The following CTNNA2 variants were observed in gnomAD, a reference collection of about 807,000 sequenced individuals.
CTNNA2 encodes the protein catenin alpha-2.
In CTNNA2, 42 loss-of-function variants were observed where a neutral mutation model predicts 101.0. The observed-to-expected ratio is 0.42, with a 90% CI of 0.32 to 0.54. The LOEUF (loss-of-function observed/expected upper bound fraction) is 0.54, where lower values mean the gene tolerates loss of function less well. Ranked by LOEUF, CTNNA2 falls within the 20% of genes least tolerant of loss-of-function variation. The pLI, the probability that CTNNA2 is intolerant of heterozygous loss-of-function variation, is 0.14. For missense variants in CTNNA2, 871 were observed against 1,223.1 expected (o/e 0.71, Z 4.29); for synonymous variants, 450 against 456.4 (o/e 0.99, Z 0.18).
chr2:79,453,749 A>C (rs1406023461), intron 4 of CTNNA2, among the ~76,000 whole-genome samples: 1 of 152,076 alleles, frequency 6.6e-6, no homozygotes, highest in East Asian at 1.9e-4. Flanking sequence ...TCCTGCTTTA[A>C]CCCCAAGAAT....
At chr2:79,737,313 C>G (rs1324674386) in intron 2 of CTNNA2, among the ~76,000 whole-genome samples, 1 of 150,916 alleles carries the variant, frequency 6.6e-6, no homozygotes, top group Non-Finnish European at 1.5e-5. Context: ...TGTGCCACCA[C>G]TCTCCAGCCT....
chr2:79,375,737 A>C (rs968455370), intron 4 of CTNNA2, among the ~76,000 whole-genome samples: 1 of 152,196 alleles, frequency 6.6e-6, no homozygotes, highest in African/African-American at 2.4e-5. Flanking sequence ...TTGAGCTTCT[A>C]ATTTTTTAAA....
intron 18 of CTNNA2, among the ~76,000 whole-genome samples, chr2:80,626,209 A>G (rs1671667506): frequency 1.3e-5 from 2 of 152,248 alleles, no homozygotes; most frequent in Non-Finnish European, 2.9e-5. Context: ...ACATACAACT[A>G]GAGTTATTTC....
chr2:80,221,160 G>A lies in CTNNA2; in HGVS notation c.1057-172051G>A, dbSNP rs905163580. Among the ~76,000 whole-genome samples, 3 of 152,216 alleles carry A rather than the reference G, an allele frequency of 2.0e-5. No homozygotes were observed. The East Asian group carries it at 5.8e-4, about 29-fold the overall frequency. ...GGCCTCCCAAAGTGTTGGGATTACA[G>A]GCGTGAGCCACCTTGCCCAGCCCTT... On this transcript the variant is annotated intron_variant, in intron 7 of 18. Transcript: ENST00000402739.
intron 7 of CTNNA2, among the ~76,000 whole-genome samples, chr2:80,257,166 A>G (rs1672234127): frequency 6.6e-6 from 1 of 152,064 alleles, no homozygotes; most frequent in Non-Finnish European, 1.5e-5. Flanking sequence ...TTTGCTTCTA[A>G]TTCTTCTTAC....
At chr2:79,273,106 G>C (rs1675126683) in intron 2 of CTNNA2, among the ~76,000 whole-genome samples, 1 of 151,842 alleles carries the variant, frequency 6.6e-6, no homozygotes, top group Admixed American at 6.6e-5. Context: ...TCAGCACAAA[G>C]TATTTCTTTA....
At chr2:79,613,165 C>A (rs373556524) in intron 1 of CTNNA2, among the ~76,000 whole-genome samples, 64 of 144,498 alleles carry the variant, frequency 4.4e-4, no homozygotes, top group Admixed American at 3.5e-4. Flanking sequence ...ACGTTCAGAG[C>A]AAAAAAAAAA....
At chr2:79,413,410 C>A (rs921630080) in intron 4 of CTNNA2, among the ~76,000 whole-genome samples, 1 of 151,900 alleles carries the variant, frequency 6.6e-6, no homozygotes, top group African/African-American at 2.4e-5. Context: ...TTTTTTGTGG[C>A]TGAATAGTAT....
intron 7 of CTNNA2, among the ~76,000 whole-genome samples, chr2:80,010,438 C>T (rs1371842644): frequency 2.0e-5 from 3 of 152,000 alleles, no homozygotes; most frequent in Admixed American, 6.6e-5. Context: ...CCTGAGTAGC[C>T]GGGACTACAG....
At chr2:79,263,783 CAGGA>C (rs1674953356) in intron 2 of CTNNA2, among the ~76,000 whole-genome samples, 1 of 152,142 alleles carries the variant, frequency 6.6e-6, no homozygotes, top group Non-Finnish European at 1.5e-5. Context: ...TATGAAGCAG[CAGGA>C]AGGGTCTCCC....
intron 3 of CTNNA2, among the ~76,000 whole-genome samples, chr2:79,817,103 G>C (rs953870905): frequency 1.3e-5 from 2 of 151,648 alleles, no homozygotes; most frequent in Admixed American, 6.6e-5. Flanking sequence ...TGTTACATAT[G>C]TATACATGTG....
intron 4 of CTNNA2, among the ~76,000 whole-genome samples, chr2:79,483,995 A>G (rs746411856): frequency 7.2e-5 from 11 of 151,930 alleles, no homozygotes; most frequent in Non-Finnish European, 1.5e-4. Context: ...AAATACATGT[A>G]TGGTTGGGAG....
chr2:79,464,203 A>G lies in CTNNA2; in HGVS notation c.-134-40851A>G, dbSNP rs900410690. 3.9e-5 allele frequency among the ~76,000 whole-genome samples: 6 copies of G among 152,094 alleles called. No homozygotes were observed. In the South Asian group the frequency reaches 1.0e-3, roughly 26 times the overall value. ...TGTGTCCAAGTATTCTAAGTGTTCA[A>G]TTCCCACCTATGAGTGAGAACATGC... On this transcript the variant is annotated intron_variant, in intron 4 of 21. Coordinates refer to the CTNNA2 transcript ENST00000466387.
chr2:79,462,153 C>T (rs1670885501), intron 4 of CTNNA2, among the ~76,000 whole-genome samples: 1 of 152,128 alleles, frequency 6.6e-6, no homozygotes, highest in Non-Finnish European at 1.5e-5. Context: ...GGATAAATTA[C>T]CTACAGAGAT....
chr2:80,014,665 C>T (rs1186679346), intron 7 of CTNNA2, among the ~76,000 whole-genome samples: 2 of 152,182 alleles, frequency 1.3e-5, no homozygotes, highest in South Asian at 2.1e-4. Flanking sequence ...GACACAAAGA[C>T]ACAAGCTGGT....
intron 3 of CTNNA2, among the ~76,000 whole-genome samples, chr2:79,810,209 A>G (rs1012341470): frequency 1.3e-5 from 2 of 152,168 alleles, no homozygotes; most frequent in African/African-American, 4.8e-5. Flanking sequence ...TAAAAAAAGA[A>G]AAAGAGGTTT....
chr2:80,522,343 T>G (rs1374349800), intron 9 of CTNNA2, among the ~76,000 whole-genome samples: 1 of 152,156 alleles, frequency 6.6e-6, no homozygotes, highest in African/African-American at 2.4e-5. Flanking sequence ...GCAATAAAGT[T>G]GGAGATCCAA....
At chr2:79,519,497 CT>C (rs2103864527) in intron 1 of CTNNA2, among the ~76,000 whole-genome samples, 1 of 152,192 alleles carries the variant, frequency 6.6e-6, no homozygotes, top group East Asian at 1.9e-4. Flanking sequence ...TTAAATAAGC[CT>C]CAAACTCTCC....
intron 7 of CTNNA2, among the ~76,000 whole-genome samples, chr2:80,084,596 A>G (rs1415733541): frequency 6.6e-6 from 1 of 152,076 alleles, no homozygotes; most frequent in Non-Finnish European, 1.5e-5. Flanking sequence ...TTGCTTACTG[A>G]CTTGATTAAT....
Sources: gnomAD v4.1 joint callset for allele counts (sites outside exome capture counted in the v4.1 genomes callset) on GRCh38, gnomAD v4.1.1 for gene constraint, MANE v1.5 for transcripts, NCBI Gene and HGNC (gene_info 2026-07-23, HGNC 2026-07-21) for gene names.